Variants in ACSM3 observed in about 807,000 individuals in gnomAD.
The protein encoded by ACSM3 is acyl-coenzyme A synthetase ACSM3, mitochondrial.
ACSM3 carries 61 observed loss-of-function variants against 74.1 expected under a neutral mutation model. The ratio of observed to expected loss-of-function variants is 0.82; its 90% CI spans 0.67 to 1.02. ACSM3 has a LOEUF of 1.02. Ranked by LOEUF, ACSM3 falls within the 50% of genes least tolerant of loss-of-function variation. The pLI is 0.00. For synonymous variants in ACSM3, 213 were observed against 241.5 expected (o/e 0.88, Z 1.09); for missense variants, 660 against 697.0 (o/e 0.95, Z 0.60).
At chr16:20,726,280 G>C (rs1567325336) in intron 1 of ACSM3, among the ~76,000 whole-genome samples, 1 of 152,228 alleles carries the variant, frequency 6.6e-6, no homozygotes, top group Non-Finnish European at 1.5e-5. Context: ...ACATCCAGTA[G>C]AGTTACAATG....
intron 12 of ACSM3, 104 bp from the exon 13 acceptor site, chr16:20,796,266 G>A: frequency 1.3e-6 from 2 of 1,501,378 alleles, no homozygotes; most frequent in Non-Finnish European, 1.8e-6. Flanking sequence ...AAACACACTG[G>A]CCCACCCCAC....
intron 1 of ACSM3, chr16:20,685,118 C>T (rs1465296327): frequency 1.3e-6 from 2 of 1,513,704 alleles, no homozygotes; most frequent in Non-Finnish European, 1.8e-6. Flanking sequence ...GCTGGGTGCA[C>T]AGCACCTAAT....
intron 9 of ACSM3, among the ~76,000 whole-genome samples, chr16:20,789,325 C>T (rs1316360644): frequency 6.6e-6 from 1 of 152,154 alleles, no homozygotes; most frequent in Non-Finnish European, 1.5e-5. Flanking sequence ...CATAGGGCTA[C>T]AGTGAGGAAT....
intron 2 of ACSM3, among the ~76,000 whole-genome samples, chr16:20,773,803 A>G (rs2080221916): frequency 1.3e-5 from 2 of 152,178 alleles, no homozygotes; most frequent in Non-Finnish European, 1.5e-5. Flanking sequence ...AGAATGTGCC[A>G]TGTGCTGATG....
intron 1 of ACSM3, chr16:20,734,341 TG>T (rs2079850878): frequency 6.6e-6 from 1 of 152,626 alleles, no homozygotes; most frequent in Non-Finnish European, 1.5e-5. Context: ...TTCCCCTAAC[TG>T]ATATTAATAA....
At chr16:20,738,968 A>G in intron 1 of ACSM3, 1 of 1,614,146 alleles carries the variant, frequency 6.2e-7, no homozygotes, top group East Asian at 2.2e-5. Flanking sequence ...TCTTAACCTC[A>G]TCTCTGTAGA....
chr16:20,738,550 A>C (rs1414118326), intron 1 of ACSM3, among the ~76,000 whole-genome samples: 1 of 152,200 alleles, frequency 6.6e-6, no homozygotes, highest in African/African-American at 2.4e-5. Flanking sequence ...CCAGATTTCA[A>C]ACTTCTTTTG....
In ACSM3 at chr16:20,685,832, C is replaced by CA. The variant is rs1469791653; in HGVS notation, c.-190+11013dup. On this transcript the variant is annotated intron_variant, in intron 1 of 3. Coordinates refer to the ACSM3 transcript ENST00000561584. ...GAGACTCCGTCTCAAAAAAAAAAAA[C>CA]AAACAAAAAAAAAACAAAAAACTTA... 3.9e-3 allele frequency among the ~76,000 whole-genome samples: 282 copies of CA among 72,118 alleles called. 11 individuals carry two copies. Among genetic ancestry groups the CA allele is most frequent in the African/African-American group, 0.01 (158 of 15,466 alleles). 47.3% of individuals were successfully genotyped at this position (72,118 alleles called of 152,430 possible).
chr16:20,762,486 T>C (rs2152445931), upstream of ACSM3, among the ~76,000 whole-genome samples: 1 of 152,216 alleles, frequency 6.6e-6, no homozygotes, highest in South Asian at 2.1e-4. Flanking sequence ...AAAAATTTAC[T>C]CCAAGAAATA....
intron 1 of ACSM3, among the ~76,000 whole-genome samples, chr16:20,747,680 A>G (rs1720069136): frequency 6.6e-6 from 1 of 152,212 alleles, no homozygotes; most frequent in Admixed American, 6.5e-5. Flanking sequence ...CAATGCTCCA[A>G]AGAATGAATC....
intron 1 of ACSM3, chr16:20,741,429 T>A: frequency 6.9e-7 from 1 of 1,447,488 alleles, no homozygotes; most frequent in Non-Finnish European, 9.1e-7. Flanking sequence ...CGCATGCCCA[T>A]ACCAGCAGCC....
intron 1 of ACSM3, among the ~76,000 whole-genome samples, chr16:20,745,710 GAAGGCCTCACAGCC>G (rs1163612080): frequency 7.2e-5 from 11 of 152,166 alleles, no homozygotes; most frequent in Non-Finnish European, 1.5e-4. Flanking sequence ...CAGATATTCA[GAAGGCCTCACAGCC>G]AAGCAAGGGG....
chr16:20,738,805 G>A lies in ACSM3; in HGVS notation c.-189-11105G>A, dbSNP rs2079892415. The A allele has an allele frequency of 2.1e-6, 3 of 1,433,832 alleles. No homozygotes were observed. The South Asian group carries it at 3.9e-5, about 18-fold the overall frequency. The allele number at this position is 1,433,832 out of a possible 1,614,324, so 88.8% of individuals were successfully genotyped here. On this transcript the variant is annotated intron_variant, in intron 1 of 3. Transcript: ENST00000561584. ...GCCATCAAATGATTAACTGAGTCAT[G>A]CCCAAGAAGCCATTTTGTAAGCAGT...
chr16:20,777,632 T>C (rs1278206081), intron 4 of ACSM3, 52 bp downstream of exon 4: 1 of 1,480,924 alleles, frequency 6.8e-7, no homozygotes, highest in Admixed American at 1.8e-5. Flanking sequence ...AAGGCAACAA[T>C]AAAAAGATAT....
chr16:20,781,241 GAT>G, intron 6 of ACSM3, 111 bp downstream of exon 6: 2 of 1,331,204 alleles, frequency 1.5e-6, no homozygotes, highest in Non-Finnish European at 2.1e-6. Flanking sequence ...TATGATTTAA[GAT>G]ATGTCACATC....
chr16:20,733,875 T>G (rs987748504), intron 1 of ACSM3: 1 of 152,038 alleles, frequency 6.6e-6, no homozygotes, highest in Non-Finnish European at 1.5e-5. Flanking sequence ...AAGACTGCAG[T>G]TTTTTTATTT....
chr16:20,796,217 G>A, intron 12 of ACSM3, 153 bp from the exon 13 acceptor site: 1 of 1,309,918 alleles, frequency 7.6e-7, no homozygotes, highest in Middle Eastern at 2.4e-4. Context: ...CCAGGAAGTG[G>A]CTGGCTTAAG....
chr16:20,718,444 GC>G, intron 1 of ACSM3: 1 of 581,530 alleles, frequency 1.7e-6, no homozygotes, highest in Admixed American at 4.1e-5. Flanking sequence ...TCCTAAGATG[GC>G]CCAGCACTCT....
At chr16:20,773,515 A>G (rs2080218902) in intron 2 of ACSM3, among the ~76,000 whole-genome samples, 1 of 151,936 alleles carries the variant, frequency 6.6e-6, no homozygotes, top group African/African-American at 2.4e-5. Context: ...CCTTCTTAAC[A>G]CTGTGTTTGC....
Sources: allele counts gnomAD v4.1 joint callset (sites outside exome capture counted in the v4.1 genomes callset), GRCh38; gene constraint gnomAD v4.1.1; transcripts MANE v1.5; gene names NCBI Gene and HGNC (gene_info 2026-07-23, HGNC 2026-07-21).